ACAD10: variants seen among roughly 807,000 people sequenced by gnomAD.
ACAD10 encodes the protein ACAD-10.
ACAD10 carries 112 observed loss-of-function variants against 116.8 expected under a neutral mutation model. That is an observed-to-expected ratio of 0.96 (90% CI 0.82 to 1.12). The LOEUF is 1.12. Ranked by LOEUF, ACAD10 falls within the 50% of genes most tolerant of loss-of-function variation. The probability of loss-of-function intolerance (pLI) is 0.00; values close to 1 mark genes in which losing one functional copy is unlikely to be tolerated. For synonymous variants in ACAD10, 486 were observed against 510.6 expected, an observed-to-expected ratio of 0.95 and a Z score of 0.65; for missense variants, 1,259 against 1,350.2, an observed-to-expected ratio of 0.93 and a Z score of 1.06.
chr12:111,728,573 G>A (rs557000343), intron 9 of ACAD10, among the ~76,000 whole-genome samples: 1 of 152,190 alleles, frequency 6.6e-6, no homozygotes, highest in South Asian at 2.1e-4. Context: ...GGGTCTCACT[G>A]TGTTGCCCAG....
chr12:111,703,418 C>T (rs1196526886), intron 3 of ACAD10, among the ~76,000 whole-genome samples: 1 of 152,122 alleles, frequency 6.6e-6, no homozygotes, highest in African/African-American at 2.4e-5. Context: ...CTTTATATAA[C>T]TCATGTAACC....
chr12:111,704,690 T>TTC (rs1215717067), intron 3 of ACAD10, among the ~76,000 whole-genome samples: 4 of 144,186 alleles, frequency 2.8e-5, no homozygotes, highest in South Asian at 2.2e-4. Flanking sequence ...CTTTCTTTCT[T>TTC]TTTTTTTTTT....
intron 2 of ACAD10, among the ~76,000 whole-genome samples, chr12:111,699,297 A>G (rs1246195861): frequency 1.3e-5 from 2 of 152,188 alleles, no homozygotes; most frequent in Non-Finnish European, 2.9e-5. Flanking sequence ...TTTCTATTCC[A>G]TATTGAAACC....
At chr12:111,748,759 CCAAA>C in intron 17 of ACAD10, 1 of 544,356 alleles carries the variant, frequency 1.8e-6, no homozygotes, top group Non-Finnish European at 3.2e-6. Context: ...GAAGTGGACC[CCAAA>C]CCTACTCTTC....
intron 12 of ACAD10, among the ~76,000 whole-genome samples, chr12:111,737,876 A>G (rs1889617794): frequency 6.6e-6 from 1 of 150,800 alleles, no homozygotes; most frequent in Non-Finnish European, 1.5e-5. Flanking sequence ...GTGTTGAGAC[A>G]GTTTCTCACT....
intron 2 of ACAD10, among the ~76,000 whole-genome samples, chr12:111,700,458 G>A (rs912512621): frequency 1.1e-4 from 17 of 152,112 alleles, no homozygotes. Flanking sequence ...TCAAATGTAT[G>A]TGCATTTCAG....
rs80004150 is a variant in ACAD10 at position 111,695,630 on chromosome 12, A to G, written c.187+2734A>G. Among the ~76,000 whole-genome samples, 298 of 152,240 alleles carry G rather than the reference A, an allele frequency of 2.0e-3. 1 individual carries two copies. Among genetic ancestry groups the G allele is most frequent in the African/African-American group, 6.8e-3 (284 of 41,546 alleles). On this transcript the variant is annotated intron_variant, in intron 2 of 20. Coordinates refer to ENST00000313698, the MANE Select transcript of ACAD10 (RefSeq NM_025247.6). Reference sequence around the variant, plus strand: ...TTTGATGGGTAAATGTGAACAAAATAGTGATGCCTTCTACTTTGTCTTTTG... The same window carrying G: ...TTTGATGGGTAAATGTGAACAAAATGGTGATGCCTTCTACTTTGTCTTTTG...
chr12:111,749,365 C>G lies in ACAD10; in HGVS notation c.2817+20C>G, dbSNP rs750111244. The G allele has an allele frequency of 6.3e-7, 1 of 1,595,112 alleles. No homozygotes were observed. Among genetic ancestry groups the G allele is most frequent in the Non-Finnish European group, 8.6e-7 (1 of 1,169,174 alleles). On this transcript the variant is annotated intron_variant, in intron 18 of 20. Transcript: ENST00000313698. ...GCCCGCGTGAGTGCTTTCCCCCGCA[C>G]CCAGCACTGACTCAGAACCACCACC...
At chr12:111,716,214 C>G (rs780241915) in intron 7 of ACAD10, among the ~76,000 whole-genome samples, 14 of 151,976 alleles carry the variant, frequency 9.2e-5, no homozygotes, top group Non-Finnish European at 1.5e-4. Flanking sequence ...CCCATCCCCC[C>G]CCAAAAAAAA....
At chr12:111,687,867 C>CTT (rs766910800) in intron 1 of ACAD10, among the ~76,000 whole-genome samples, 2 of 144,632 alleles carry the variant, frequency 1.4e-5, no homozygotes. Context: ...CCAAACAAAC[C>CTT]TTTTTTTTTT....
At chr12:111,754,652 T>A (rs578081543) in intron 19 of ACAD10, among the ~76,000 whole-genome samples, 25 of 152,348 alleles carry the variant, frequency 1.6e-4, no homozygotes, top group African/African-American at 6.0e-4. Context: ...CCTGGTTCTT[T>A]GACGCTGGCG....
intron 3 of ACAD10, 144 bp downstream of exon 3, chr12:111,702,454 G>A: frequency 8.5e-7 from 1 of 1,181,942 alleles, no homozygotes; most frequent in Non-Finnish European, 1.2e-6. Flanking sequence ...TCTTAGGCCA[G>A]GCGCAGTGGC....
Position 111,736,815 on chromosome 12 carries a change from T to A in ACAD10, c.1541-16T>A. ...ACGTCAGTGACTACCCATGAATGGCTCTGTCTTTCTCGCAGGTATTAATGA... is the reference window on the plus strand; with the variant it reads ...ACGTCAGTGACTACCCATGAATGGCACTGTCTTTCTCGCAGGTATTAATGA... On this transcript the variant is annotated splice_polypyrimidine_tract_variant and intron_variant, in intron 11 of 20. Transcript: ENST00000313698. The A allele has an allele frequency of 1.2e-6, 2 of 1,608,136 alleles. No individual in the cohort carries two copies. The highest frequency in any genetic ancestry group is 4.5e-5 in the East Asian group (2 of 44,692).
intron 12 of ACAD10, 45 bp downstream of exon 12, chr12:111,737,049 A>G (rs758257522): frequency 9.4e-6 from 15 of 1,592,218 alleles, no homozygotes; most frequent in Non-Finnish European, 1.1e-5. Flanking sequence ...GGTGAGTCAC[A>G]GCAAGGACCG....
chr12:111,747,741 A>T, intron 16 of ACAD10: 2 of 1,088,744 alleles, frequency 1.8e-6, no homozygotes, highest in Non-Finnish European at 2.2e-6. Context: ...TTACATCCTA[A>T]GGGCTAATGA....
chr12:111,723,412 CG>C (rs1373959158), intron 8 of ACAD10, among the ~76,000 whole-genome samples: 1 of 127,770 alleles, frequency 7.8e-6, no homozygotes, highest in Non-Finnish European at 1.7e-5. Context: ...GCTGGCCGGG[CG>C]GGGGGCTGAC....
chr12:111,742,766 A>G (rs535775747), intron 12 of ACAD10, among the ~76,000 whole-genome samples: 4 of 152,212 alleles, frequency 2.6e-5, no homozygotes, highest in African/African-American at 9.6e-5. Flanking sequence ...CTGGAGTGCA[A>G]TGGCATGATC....
At chr12:111,703,638 G>T (rs1052835852) in intron 3 of ACAD10, among the ~76,000 whole-genome samples, 3 of 152,016 alleles carry the variant, frequency 2.0e-5, no homozygotes, top group Admixed American at 2.0e-4. Context: ...AGGAGTTCAA[G>T]ACAAGCCCGG....
intron 4 of ACAD10, among the ~76,000 whole-genome samples, chr12:111,707,862 G>A (rs1234893019): frequency 1.3e-5 from 2 of 152,136 alleles, no homozygotes; most frequent in East Asian, 3.8e-4. Context: ...AAAGATGCTG[G>A]GTCTGTTTCC....
Sources: gnomAD v4.1 joint callset for allele counts (sites outside exome capture counted in the v4.1 genomes callset) on GRCh38, gnomAD v4.1.1 for gene constraint, MANE v1.5 for transcripts, NCBI Gene and HGNC (gene_info 2026-07-23, HGNC 2026-07-21) for gene names.